The following MCTP1 variants were observed in gnomAD, a reference collection of about 807,000 sequenced individuals.
The protein encoded by MCTP1 is multiple C2 and transmembrane domain containing 1.
Under a neutral mutation model 120.6 loss-of-function variants are expected in MCTP1, and 69 were observed. The ratio of observed to expected loss-of-function variants is 0.57; its 90% CI spans 0.47 to 0.70. The LOEUF (loss-of-function observed/expected upper bound fraction) is 0.70, where lower values mean the gene tolerates loss of function less well. Among genes scored for constraint, MCTP1 ranks in the 30% least tolerant of loss-of-function variants. MCTP1 has a pLI of 0.00. For synonymous variants in MCTP1, 529 were observed against 493.1 expected (o/e 1.07, Z -0.96); for missense variants, 1,203 against 1,248.8 (o/e 0.96, Z 0.55).
Position 94,868,354 on chromosome 5 carries a change from T to C in MCTP1, c.2415A>G (p.Pro805=), listed in dbSNP as rs1205061777. ...VNSCFDWDSP[P]RSLAAFVLFL... is the part of the protein sequence containing the mutation. Reference sequence around the variant, plus strand: ...ATACCACAAAAGCAGCGAGACTCCTTGGGGGTGAATCCCAATCAAAGCAAC... The same window carrying C: ...ATACCACAAAAGCAGCGAGACTCCTCGGGGGTGAATCCCAATCAAAGCAAC... The change falls in exon 17 of 23, where the codon CCA becomes CCG. Residue 805 remains proline (P), a synonymous_variant. Transcript: ENST00000515393. 1.2e-6 allele frequency: 2 copies of C among 1,604,554 alleles called. No homozygotes were observed. Among genetic ancestry groups the C allele is most frequent in the East Asian group, 2.3e-5 (1 of 44,366 alleles).
At chr5:95,190,859 C>T (rs1749748799) in intron 1 of MCTP1, among the ~76,000 whole-genome samples, 1 of 151,888 alleles carries the variant, frequency 6.6e-6, no homozygotes, top group Admixed American at 6.6e-5. Context: ...ACATGAACAA[C>T]CCAAAATGAA....
chr5:95,092,688 A>C (rs1178970296), intron 1 of MCTP1, among the ~76,000 whole-genome samples: 1 of 152,148 alleles, frequency 6.6e-6, no homozygotes, highest in Non-Finnish European at 1.5e-5. Flanking sequence ...ATGAAAGAAA[A>C]AGAAAAAAAG....
At chr5:94,844,619 A>G (rs1791901087) in intron 17 of MCTP1, among the ~76,000 whole-genome samples, 1 of 152,180 alleles carries the variant, frequency 6.6e-6, no homozygotes, top group Non-Finnish European at 1.5e-5. Context: ...TGAAAGAGTA[A>G]GAAGGAATGA....
chr5:94,817,153 C>G (rs1001438447), intron 17 of MCTP1, among the ~76,000 whole-genome samples: 1 of 152,046 alleles, frequency 6.6e-6, no homozygotes, highest in Non-Finnish European at 1.5e-5. Context: ...ACCTGTAATC[C>G]CAGCACTTTG....
chr5:94,765,806 C>G (rs1270600970), intron 19 of MCTP1, among the ~76,000 whole-genome samples: 2 of 149,128 alleles, frequency 1.3e-5, no homozygotes, highest in East Asian at 1.9e-4. Context: ...TAAAATTAAG[C>G]CGTTAGCAAG....
intron 10 of MCTP1, among the ~76,000 whole-genome samples, chr5:94,900,722 C>G (rs933817430): frequency 6.6e-6 from 1 of 152,094 alleles, no homozygotes; most frequent in Admixed American, 6.6e-5. Context: ...GCTGGGGGTT[C>G]AGAAAACAGA....
rs550524365 is a variant in MCTP1 at position 95,192,788 on chromosome 5, T to A, written c.720+91068A>T. Among the ~76,000 whole-genome samples, 4 of 152,204 alleles carry A rather than the reference T, an allele frequency of 2.6e-5. No homozygotes were observed. In the South Asian group the frequency reaches 6.2e-4, roughly 24 times the overall value. ...GAGGATTTAAGAGCAGGATGGCTGT[T>A]TGTGTCAGTATTAAGCCAAGATTTA... is the stretch of plus-strand genomic sequence containing the variant. On this transcript the variant is annotated intron_variant, in intron 1 of 22. Transcript: ENST00000515393.
intron 1 of MCTP1, among the ~76,000 whole-genome samples, chr5:95,168,496 A>G (rs1746750942): frequency 6.6e-6 from 1 of 152,184 alleles, no homozygotes; most frequent in Non-Finnish European, 1.5e-5. Context: ...CAGTATGGCC[A>G]TTTTCACGAT....
intron 1 of MCTP1, among the ~76,000 whole-genome samples, chr5:95,149,797 T>C (rs1760733012): frequency 6.6e-6 from 1 of 152,158 alleles, no homozygotes; most frequent in South Asian, 2.1e-4. Flanking sequence ...GTTCTCTCTA[T>C]CAGTCTAGAA....
chr5:95,025,661 G>A (rs199542729), intron 1 of MCTP1, among the ~76,000 whole-genome samples: 1 of 152,224 alleles, frequency 6.6e-6, no homozygotes, highest in East Asian at 1.9e-4. Flanking sequence ...GCTTGAACTG[G>A]AGTCATTACC....
At chr5:95,180,332 G>C (rs1480672221) in intron 1 of MCTP1, among the ~76,000 whole-genome samples, 13 of 152,188 alleles carry the variant, frequency 8.5e-5, no homozygotes, top group Admixed American at 8.5e-4. Context: ...AAACATTCCA[G>C]TTGGGCCTTA....
chr5:94,891,647 T>C (rs1049958117), intron 11 of MCTP1, among the ~76,000 whole-genome samples: 5 of 152,040 alleles, frequency 3.3e-5, no homozygotes, highest in Admixed American at 2.6e-4. Context: ...GTGGTAATTA[T>C]TGTTTGAAGG....
intron 12 of MCTP1, among the ~76,000 whole-genome samples, chr5:94,883,683 T>G (rs1800614377): frequency 6.6e-6 from 1 of 152,194 alleles, no homozygotes; most frequent in Non-Finnish European, 1.5e-5. Context: ...GCTGCATTTA[T>G]CAGACATCGT....
chr5:95,038,461 A>G (rs1321333736), intron 1 of MCTP1, among the ~76,000 whole-genome samples: 3 of 152,240 alleles, frequency 2.0e-5, no homozygotes, highest in African/African-American at 4.8e-5. Context: ...AGAAGAATTC[A>G]GAATAATTGG....
Position 95,136,919 on chromosome 5 carries a change from C to G in MCTP1, c.721-119435G>C, listed in dbSNP as rs192705461. Among the ~76,000 whole-genome samples, 168 of 152,314 alleles carry G rather than the reference C, an allele frequency of 1.1e-3. 1 individual carries two copies. Among genetic ancestry groups the G allele is most frequent in the African/African-American group, 3.8e-3 (159 of 41,564 alleles). On this transcript the variant is annotated intron_variant, in intron 1 of 22. Transcript: ENST00000515393. The stretch of plus-strand genomic sequence containing the variant: ...CCTGGAACTATTTCCTGATCAATTT[C>G]ATCAAGACTACAATGGAGAAAAATT...
chr5:95,064,553 C>G (rs1217319759), intron 1 of MCTP1, among the ~76,000 whole-genome samples: 2 of 152,142 alleles, frequency 1.3e-5, no homozygotes, highest in Non-Finnish European at 2.9e-5. Context: ...TATATAGTTA[C>G]AAGTTATTTG....
At chr5:94,738,474 A>G (rs574262308) in intron 19 of MCTP1, among the ~76,000 whole-genome samples, 1 of 152,276 alleles carries the variant, frequency 6.6e-6, no homozygotes, top group African/African-American at 2.4e-5. Context: ...TGGCCTGTGA[A>G]CACACATCAC....
At chr5:95,064,792 TGGAAGAAAATGA>T (rs1356067488) in intron 1 of MCTP1, among the ~76,000 whole-genome samples, 9 of 152,332 alleles carry the variant, frequency 5.9e-5, no homozygotes, top group South Asian at 2.1e-4. Context: ...ACAGACCACT[TGGAAGAAAATGA>T]TATTTTACAG....
chr5:94,932,131 T>C (rs144736945), intron 5 of MCTP1, 140 bp from the exon 6 acceptor site: 2 of 545,828 alleles, frequency 3.7e-6, no homozygotes, highest in Non-Finnish European at 6.4e-6. Context: ...CAAAACTTGT[T>C]TGCCACGCAC....
Sources: gnomAD v4.1 joint callset for allele counts (sites outside exome capture counted in the v4.1 genomes callset) on GRCh38, gnomAD v4.1.1 for gene constraint, MANE v1.5 for transcripts, NCBI Gene and HGNC (gene_info 2026-07-23, HGNC 2026-07-21) for gene names.